The following SLC9B2 variants were observed in gnomAD, a reference collection of about 807,000 sequenced individuals.
SLC9B2 encodes sodium/hydrogen exchanger 9B2.
Under a neutral mutation model 52.2 loss-of-function variants are expected in SLC9B2, and 39 were observed. That is an observed-to-expected ratio of 0.75 (90% CI 0.58 to 0.98). SLC9B2 has a LOEUF of 0.98. Ranked by LOEUF, SLC9B2 falls within the 50% of genes least tolerant of loss-of-function variation. SLC9B2 has a pLI of 0.00. For missense variants in SLC9B2, 626 were observed against 637.5 expected (o/e 0.98, Z 0.19); for synonymous variants, 214 against 227.0 (o/e 0.94, Z 0.51).
At chr4:103,067,712 A>G in intron 1 of SLC9B2, 120 bp from the exon 2 acceptor site, 1 of 604,104 alleles carries the variant, frequency 1.7e-6, no homozygotes. Flanking sequence ...TTGAAATTAG[A>G]CTATTCTTAA....
intron 9 of SLC9B2, among the ~76,000 whole-genome samples, chr4:103,032,725 C>T (rs912840220): frequency 3.9e-5 from 6 of 152,118 alleles, no homozygotes; most frequent in Non-Finnish European, 4.4e-5. Context: ...CTAGCATACC[C>T]CTGGGGCAGT....
downstream of SLC9B2, chr4:103,020,475 T>G: frequency 2.7e-6 from 1 of 369,320 alleles, no homozygotes; most frequent in South Asian, 2.0e-5. Flanking sequence ...ATGTTTCTCC[T>G]GACACTCAAT....
intron 9 of SLC9B2, among the ~76,000 whole-genome samples, chr4:103,032,276 A>G (rs1170582823): frequency 1.3e-5 from 2 of 152,158 alleles, no homozygotes; most frequent in Non-Finnish European, 2.9e-5. Flanking sequence ...ACCATAGTTT[A>G]TTCAATCATT....
intron 9 of SLC9B2, among the ~76,000 whole-genome samples, chr4:103,039,373 A>C (rs1743434825): frequency 6.6e-6 from 1 of 152,206 alleles, no homozygotes; most frequent in Admixed American, 6.5e-5. Flanking sequence ...CTGGGAAGTT[A>C]GATAACTTGC....
chr4:103,030,648 T>A (rs1341681240), intron 10 of SLC9B2, among the ~76,000 whole-genome samples: 3 of 151,794 alleles, frequency 2.0e-5, no homozygotes, highest in East Asian at 1.9e-4. Context: ...TAGAGGAATT[T>A]TATATATATA....
In SLC9B2 at chr4:103,024,421, A is replaced by G. The variant is rs1742035261; in HGVS notation, c.*1949T>C. 6.6e-6 allele frequency among the ~76,000 whole-genome samples: 1 copy of G among 152,236 alleles called. No homozygotes were observed. The highest frequency in any genetic ancestry group is 1.5e-5 in the Non-Finnish European group (1 of 68,032). ...AAGAGCATAAACATTAAAGGAATAC[A>G]GCACCATAGGGTAACCAAAGCAAAG... On this transcript the variant is annotated 3_prime_UTR_variant, in exon 12 of 12. Transcript: ENST00000394785.
chr4:103,018,830 A>G (rs1240558827), downstream of SLC9B2, among the ~76,000 whole-genome samples: 1 of 152,314 alleles, frequency 6.6e-6, no homozygotes, highest in South Asian at 2.1e-4. Flanking sequence ...TTTGTGGCCT[A>G]TTAGGAACAG....
rs1741968296 is a variant in SLC9B2, at chr4:103,023,676, G to C, written c.*2694C>G. On this transcript the variant is annotated 3_prime_UTR_variant, in exon 12 of 12. Transcript: ENST00000394785. ...GAAGTCAAAAAGCCAGCACTGGGCA[G>C]TCACAGAGATTTAGATGGTGGCTAC... 6.6e-6 allele frequency among the ~76,000 whole-genome samples: 1 copy of C among 152,228 alleles called. No homozygotes were observed. The highest frequency in any genetic ancestry group is 1.5e-5 in the Non-Finnish European group (1 of 68,042).
rs748510989 is a variant in SLC9B2, at chr4:103,050,286, G to A, written c.539C>T (p.Ala180Val). The A allele has an allele frequency of 1.2e-5, 19 of 1,609,676 alleles. No individual in the cohort carries two copies. In the East Asian group the frequency reaches 1.8e-4, roughly 15 times the overall value. The change falls in exon 5 of 12, where the codon GCC becomes GTC. Residue 180 changes from alanine (A) to valine (V), a missense_variant. Ala to Val is a moderately conservative substitution (Grantham distance 64). Transcript: ENST00000394785. ...HKWSSSLRSI[A>V]LSIILVRAGL... ...AGCACGAACCAGAATGATAGACAGG[G>A]CTATGCTTCTCAAAGAGGAAGACCA...
At chr4:103,071,398 T>TA (rs1195194282) in intron 1 of SLC9B2, among the ~76,000 whole-genome samples, 2 of 147,608 alleles carry the variant, frequency 1.4e-5, no homozygotes, top group Non-Finnish European at 3.0e-5. Context: ...TTTTTTTTTT[T>TA]AGAAGGAGTC....
rs532532156 is a variant in SLC9B2 at position 103,063,125 on chromosome 4, A to C, written c.271+3202T>G. ...CATTATTCATTTTTACTCTTTCCTT[A>C]TGTCAGTCCATATCTGTTTCATTGT... On this transcript the variant is annotated intron_variant, in intron 3 of 11. Transcript: ENST00000394785. 9.2e-5 allele frequency among the ~76,000 whole-genome samples: 14 copies of C among 152,304 alleles called. No homozygotes were observed. The South Asian group carries it at 2.9e-3, about 32-fold the overall frequency.
chr4:103,067,378 TTG>T (rs1485716235), intron 2 of SLC9B2, 81 bp downstream of exon 2: 59 of 1,255,808 alleles, frequency 4.7e-5, no homozygotes, highest in Non-Finnish European at 6.7e-5. Context: ...CTGCCTTGGA[TTG>T]TGTAAGTTTG....
At chr4:103,069,235 G>T (rs777621970) in intron 1 of SLC9B2, among the ~76,000 whole-genome samples, 1 of 152,196 alleles carries the variant, frequency 6.6e-6, no homozygotes, top group Non-Finnish European at 1.5e-5. Flanking sequence ...AGTGGTGTGT[G>T]AGGGGAAACT....
intron 1 of SLC9B2, among the ~76,000 whole-genome samples, chr4:103,069,326 T>C (rs1746416282): frequency 6.6e-6 from 1 of 152,222 alleles, no homozygotes; most frequent in African/African-American, 2.4e-5. Flanking sequence ...ACCACGGCAC[T>C]TGGCCTTTAC....
intron 7 of SLC9B2, 136 bp from the exon 8 acceptor site, chr4:103,045,132 A>G (rs772139744): frequency 1.6e-6 from 1 of 624,390 alleles, no homozygotes; most frequent in African/African-American, 1.9e-5. Context: ...CATATTCTTA[A>G]ATATGTAAGT....
rs895180141 is a variant in SLC9B2 at position 103,034,512 on chromosome 4, G to C, written c.1147-2704C>G. ...GAAGATACTATCAATGGAGTAAACA[G>C]ACAACCTTTAGAACAGGAGAAAATA... On this transcript the variant is annotated intron_variant, in intron 9 of 11. Coordinates refer to ENST00000394785, the MANE Select transcript of SLC9B2 (RefSeq NM_178833.7). Among the ~76,000 whole-genome samples, 5 of 152,200 alleles carry C rather than the reference G, an allele frequency of 3.3e-5. No homozygotes were observed. In the East Asian group the frequency reaches 7.7e-4, roughly 23 times the overall value.
chr4:103,064,883 A>G (rs1745974412), intron 3 of SLC9B2, among the ~76,000 whole-genome samples: 1 of 152,154 alleles, frequency 6.6e-6, no homozygotes, highest in Non-Finnish European at 1.5e-5. Flanking sequence ...ATGATTTATA[A>G]AAGTGAAAAA....
chr4:103,063,353 T>C (rs1007115646), intron 3 of SLC9B2, among the ~76,000 whole-genome samples: 1 of 152,178 alleles, frequency 6.6e-6, no homozygotes, highest in African/African-American at 2.4e-5. Context: ...TAAAAACACA[T>C]CTAGAGCCTA....
At chr4:103,033,260 TA>T (rs546042454) in intron 9 of SLC9B2, among the ~76,000 whole-genome samples, 1 of 151,218 alleles carries the variant, frequency 6.6e-6, no homozygotes, top group Admixed American at 6.6e-5. Context: ...GGCCAATCAA[TA>T]AAAAAAAGAC....
Sources: allele counts gnomAD v4.1 joint callset (sites outside exome capture counted in the v4.1 genomes callset), GRCh38; gene constraint gnomAD v4.1.1; transcripts MANE v1.5; gene names NCBI Gene and HGNC (gene_info 2026-07-23, HGNC 2026-07-21).